Variants in KCNMB2 observed in about 807,000 individuals in gnomAD.
KCNMB2 encodes calcium-activated potassium channel subunit beta-2.
KCNMB2 carries 9 observed loss-of-function variants against 24.5 expected under a neutral mutation model. The observed-to-expected ratio is 0.37, with a 90% CI of 0.22 to 0.64. The LOEUF (loss-of-function observed/expected upper bound fraction) is 0.64, where lower values mean the gene tolerates loss of function less well. Ranked by LOEUF, KCNMB2 falls within the 30% of genes least tolerant of loss-of-function variation. KCNMB2 has a pLI of 0.63. For synonymous variants in KCNMB2, 109 were observed against 104.4 expected, an observed-to-expected ratio of 1.04 and a Z score of -0.27; for missense variants, 226 against 284.3, an observed-to-expected ratio of 0.79 and a Z score of 1.47.
At chr3:178,601,122 C>T (rs1718066953) in intron 1 of KCNMB2, among the ~76,000 whole-genome samples, 1 of 147,790 alleles carries the variant, frequency 6.8e-6, no homozygotes, top group Admixed American at 6.9e-5. Flanking sequence ...CATGTTCTCA[C>T]TCAAATGTGG....
rs572858925 is a variant in KCNMB2 at position 178,569,580 on chromosome 3, G to A, written c.-68+32869G>A. On this transcript the variant is annotated intron_variant, in intron 1 of 4. Coordinates refer to ENST00000452583, the MANE Select transcript of KCNMB2 (RefSeq NM_181361.3). ...GTACTGTAGTCAGTTGTTTACAACC[G>A]CCGGACTGCCTCAGGATTTAAACAT... 3.2e-3 allele frequency among the ~76,000 whole-genome samples: 493 copies of A among 152,240 alleles called. 1 individual carries two copies. Among genetic ancestry groups the A allele is most frequent in the African/African-American group, 0.011 (475 of 41,536 alleles).
chr3:178,710,169 T>G (rs950602781), intron 1 of KCNMB2, among the ~76,000 whole-genome samples: 1 of 152,050 alleles, frequency 6.6e-6, no homozygotes, highest in African/African-American at 2.4e-5. Context: ...AAAGTTTTAT[T>G]TTTTCCCTAC....
At chr3:178,754,276 T>C (rs1187208227) in intron 1 of KCNMB2, among the ~76,000 whole-genome samples, 1 of 151,066 alleles carries the variant, frequency 6.6e-6, no homozygotes, top group Non-Finnish European at 1.5e-5. Flanking sequence ...GCTAGTGTAG[T>C]AATGCTTCAA....
intron 1 of KCNMB2, among the ~76,000 whole-genome samples, chr3:178,633,697 C>T (rs1022954744): frequency 6.6e-6 from 1 of 152,248 alleles, no homozygotes; most frequent in Non-Finnish European, 1.5e-5. Flanking sequence ...GCCCTGGAGA[C>T]ATTTTCCCCA....
intron 1 of KCNMB2, among the ~76,000 whole-genome samples, chr3:178,750,784 G>A (rs914811507): frequency 8.5e-5 from 13 of 152,118 alleles, no homozygotes; most frequent in Non-Finnish European, 4.4e-5. Context: ...TAATAAGAGG[G>A]AAAACTTTTC....
chr3:178,793,014 C>G (rs1268863742), intron 1 of KCNMB2, among the ~76,000 whole-genome samples: 1 of 152,232 alleles, frequency 6.6e-6, no homozygotes, highest in Non-Finnish European at 1.5e-5. Flanking sequence ...TCAGGCCACA[C>G]AGCCCAGTAA....
chr3:178,724,924 AG>A (rs752132159), intron 1 of KCNMB2, among the ~76,000 whole-genome samples: 2 of 152,056 alleles, frequency 1.3e-5, no homozygotes, highest in Non-Finnish European at 2.9e-5. Context: ...TATAGTTCGA[AG>A]TTGGGTAATC....
intron 1 of KCNMB2, among the ~76,000 whole-genome samples, chr3:178,692,152 A>C (rs1721703027): frequency 6.6e-6 from 1 of 152,212 alleles, no homozygotes; most frequent in Admixed American, 6.5e-5. Context: ...GACCTTTGTC[A>C]GATGCATAGT....
At chr3:178,826,209 C>T (rs1368974984) in intron 3 of KCNMB2, among the ~76,000 whole-genome samples, 1 of 152,130 alleles carries the variant, frequency 6.6e-6, no homozygotes, top group East Asian at 1.9e-4. Flanking sequence ...CCCTCCCTCA[C>T]CTTCCACGTG....
intron 1 of KCNMB2, among the ~76,000 whole-genome samples, chr3:178,753,057 A>C (rs139798498): frequency 7.2e-4 from 109 of 152,272 alleles, no homozygotes; most frequent in African/African-American, 2.5e-3. Flanking sequence ...AGGTTTGCTC[A>C]ACTCTCTGAT....
intron 1 of KCNMB2, among the ~76,000 whole-genome samples, chr3:178,568,857 T>C (rs199714061): frequency 6.3e-5 from 6 of 94,596 alleles, no homozygotes; most frequent in African/African-American, 2.9e-4. Context: ...AGATAGATGA[T>C]AGATAGATAG....
chr3:178,833,429 C>T (rs1467434600), intron 4 of KCNMB2, among the ~76,000 whole-genome samples: 1 of 152,180 alleles, frequency 6.6e-6, no homozygotes, highest in African/African-American at 2.4e-5. Context: ...CTAGCCTCTG[C>T]TTTTAATCTG....
chr3:178,751,573 C>CAAAAAAAAAAAAAAAAACAAAAAAAA (rs1723849853), intron 1 of KCNMB2, among the ~76,000 whole-genome samples: 1 of 47,692 alleles, frequency 2.1e-5, no homozygotes, highest in African/African-American at 8.8e-5. Flanking sequence ...GACTCCGTCT[C>CAAAAAAAAAAAAAAAAACAAAAAAAA]AAAAAAAAAA....
At chr3:178,581,840 T>C (rs2062132618) in intron 1 of KCNMB2, among the ~76,000 whole-genome samples, 1 of 152,158 alleles carries the variant, frequency 6.6e-6, no homozygotes, top group South Asian at 2.1e-4. Flanking sequence ...CCAGTTAGAA[T>C]GGCAATCATT....
rs1577147499 is a variant in KCNMB2, at chr3:178,750,047, C to T, written c.-67-57296C>T. Among the ~76,000 whole-genome samples, 4 of 152,228 alleles carry T rather than the reference C, an allele frequency of 2.6e-5. No individual in the cohort carries two copies. In the South Asian group the frequency reaches 8.3e-4, roughly 32 times the overall value. On this transcript the variant is annotated intron_variant, in intron 1 of 4. Transcript: ENST00000452583. ...GTAAGTATGTTGTGTGCCTTTAAGA[C>T]ACTAAATTTGTAGAGAAAGACACAT...
At chr3:178,763,233 T>G (rs1351929216) in intron 1 of KCNMB2, among the ~76,000 whole-genome samples, 1 of 152,222 alleles carries the variant, frequency 6.6e-6, no homozygotes, top group Non-Finnish European at 1.5e-5. Flanking sequence ...GAGTATCATT[T>G]GAAATGTATA....
At chr3:178,718,145 T>C (rs1270987821) in intron 1 of KCNMB2, among the ~76,000 whole-genome samples, 1 of 152,248 alleles carries the variant, frequency 6.6e-6, no homozygotes, top group Non-Finnish European at 1.5e-5. Context: ...AGCCCCTTTG[T>C]GTCAGCCACT....
chr3:178,624,101 C>A (rs1242135143), intron 1 of KCNMB2, among the ~76,000 whole-genome samples: 1 of 152,132 alleles, frequency 6.6e-6, no homozygotes, highest in East Asian at 1.9e-4. Flanking sequence ...TAACCCAAGG[C>A]CCCTGATCCA....
chr3:178,758,732 A>T (rs1176195794), intron 1 of KCNMB2, among the ~76,000 whole-genome samples: 8 of 45,942 alleles, frequency 1.7e-4, no homozygotes, highest in South Asian at 7.0e-4. Context: ...ATATATCTCC[A>T]AGAGGAGATA....
Sources: gnomAD v4.1 joint callset for allele counts (sites outside exome capture counted in the v4.1 genomes callset) on GRCh38, gnomAD v4.1.1 for gene constraint, MANE v1.5 for transcripts, NCBI Gene and HGNC (gene_info 2026-07-23, HGNC 2026-07-21) for gene names.